The following CBFA2T2 variants were observed in gnomAD, a reference collection of about 807,000 sequenced individuals.
CBFA2T2 encodes protein CBFA2T2.
In CBFA2T2, 11 loss-of-function variants were observed where a neutral mutation model predicts 62.2. The ratio of observed to expected loss-of-function variants is 0.18; its 90% CI spans 0.11 to 0.29. The LOEUF is 0.29. Among genes scored for constraint, CBFA2T2 ranks in the 10% least tolerant of loss-of-function variants. The probability of loss-of-function intolerance (pLI) is 1.00; values close to 1 mark genes in which losing one functional copy is unlikely to be tolerated. For synonymous variants in CBFA2T2, 295 were observed against 287.5 expected (o/e 1.03, Z -0.27); for missense variants, 592 against 774.1 (o/e 0.76, Z 2.79).
At chr20:33,559,781 T>C (rs927840170) in intron 1 of CBFA2T2, among the ~76,000 whole-genome samples, 2 of 152,202 alleles carry the variant, frequency 1.3e-5, no homozygotes, top group Non-Finnish European at 2.9e-5. Flanking sequence ...CCATTGCGCC[T>C]GGCCAATTGT....
intron 1 of CBFA2T2, among the ~76,000 whole-genome samples, chr20:33,523,620 ATAAGC>A (rs1385662361): frequency 1.3e-5 from 2 of 152,210 alleles, no homozygotes; most frequent in African/African-American, 2.4e-5. Flanking sequence ...TTGAAGAAAA[ATAAGC>A]TAAGATTGGA....
At chr20:33,520,075 G>C (rs2011689507) in intron 1 of CBFA2T2, among the ~76,000 whole-genome samples, 1 of 152,108 alleles carries the variant, frequency 6.6e-6, no homozygotes, top group Non-Finnish European at 1.5e-5. Flanking sequence ...AACCTGGGAG[G>C]CAGAGGTTGT....
chr20:33,570,240 CA>C (rs2146901801), intron 1 of CBFA2T2, among the ~76,000 whole-genome samples: 1 of 152,318 alleles, frequency 6.6e-6, no homozygotes, highest in East Asian at 1.9e-4. Context: ...GAGATCATGC[CA>C]CTGCACTCCA....
chr20:33,594,628 T>C (rs1257265631), intron 1 of CBFA2T2, among the ~76,000 whole-genome samples: 1 of 152,154 alleles, frequency 6.6e-6, no homozygotes, highest in Admixed American at 6.5e-5. Flanking sequence ...GGAAAGCCAT[T>C]AACTAGCTGT....
In CBFA2T2 at chr20:33,515,278, G is replaced by T. The variant is rs137910714; in HGVS notation, c.34+24977G>T. On this transcript the variant is annotated intron_variant, in intron 1 of 10. Coordinates refer to ENST00000342704, the MANE Select transcript of CBFA2T2 (RefSeq NM_001032999.3). ...AGGCAGGAGAATTGCTTGAAACCTG[G>T]AGGTGGAGGTTGCAGTGAGCCAAGA... Among the ~76,000 whole-genome samples, 580 of 148,402 alleles carry T rather than the reference G, an allele frequency of 3.9e-3. 6 individuals carry two copies. Among genetic ancestry groups the T allele is most frequent in the Middle Eastern group, 0.018 (5 of 282 alleles).
At chr20:33,550,250 G>A (rs1207530437) in intron 1 of CBFA2T2, among the ~76,000 whole-genome samples, 4 of 152,094 alleles carry the variant, frequency 2.6e-5, no homozygotes, top group Non-Finnish European at 5.9e-5. Context: ...ATACTTATTA[G>A]CAAAGTAGTC....
At chr20:33,498,880 TAA>T (rs1786158654) in intron 1 of CBFA2T2, among the ~76,000 whole-genome samples, 1 of 152,050 alleles carries the variant, frequency 6.6e-6, no homozygotes, top group Middle Eastern at 3.4e-3. Flanking sequence ...CCGTCTCTTC[TAA>T]AAATACAAAA....
At chr20:33,502,745 C>G (rs1403281247) in intron 1 of CBFA2T2, among the ~76,000 whole-genome samples, 1 of 150,160 alleles carries the variant, frequency 6.7e-6, no homozygotes, top group African/African-American at 2.4e-5. Flanking sequence ...TCGGCCATTT[C>G]TCCAAACTGT....
intron 1 of CBFA2T2, among the ~76,000 whole-genome samples, chr20:33,508,347 G>T (rs781738716): frequency 1.3e-5 from 2 of 151,980 alleles, no homozygotes; most frequent in Non-Finnish European, 2.9e-5. Context: ...TGCCTACCCC[G>T]GCCTGCCAAA....
At chr20:33,615,157 C>A (rs1347437429) in intron 3 of CBFA2T2, among the ~76,000 whole-genome samples, 6 of 152,184 alleles carry the variant, frequency 3.9e-5, no homozygotes, top group Admixed American at 3.9e-4. Flanking sequence ...CATAGACAGA[C>A]CCCCATCTCT....
intron 1 of CBFA2T2, among the ~76,000 whole-genome samples, chr20:33,516,337 G>C (rs1319139847): frequency 6.6e-6 from 1 of 150,692 alleles, no homozygotes; most frequent in African/African-American, 2.4e-5. Context: ...GGGTGTGGTG[G>C]TGCATGCCTG....
At chr20:33,497,128 C>A (rs890866740) in intron 1 of CBFA2T2, among the ~76,000 whole-genome samples, 39 of 152,090 alleles carry the variant, frequency 2.6e-4, no homozygotes, top group Middle Eastern at 6.8e-3. Flanking sequence ...ACAAAATTAG[C>A]TGGGCATGGT....
chr20:33,514,209 T>TTTG (rs2011559774), intron 1 of CBFA2T2, among the ~76,000 whole-genome samples: 1 of 120,624 alleles, frequency 8.3e-6, no homozygotes, highest in East Asian at 2.5e-4. Context: ...TGCCTTTGTT[T>TTTG]TTTTTTTTTT....
chr20:33,514,514 C>T (rs1300245289), intron 1 of CBFA2T2, among the ~76,000 whole-genome samples: 4 of 151,852 alleles, frequency 2.6e-5, no homozygotes, highest in Non-Finnish European at 5.9e-5. Context: ...AGGAGGCTAG[C>T]ATGGCTGGAG....
chr20:33,592,226 C>G (rs999139046), intron 1 of CBFA2T2, among the ~76,000 whole-genome samples: 2 of 151,646 alleles, frequency 1.3e-5, no homozygotes, highest in Non-Finnish European at 2.9e-5. Flanking sequence ...AGCCAGGCAT[C>G]GTGGCACGCG....
rs778133366 is a variant in CBFA2T2, at chr20:33,494,241, G to GTATA, written c.34+3941_34+3942insATAT. The stretch of plus-strand genomic sequence containing the variant: ...TGTACTATGTATTAGGCATATATAT[G>GTATA]TGTATATATATATATATATATATAT... On this transcript the variant is annotated intron_variant, in intron 1 of 10. Coordinates refer to ENST00000342704, the MANE Select transcript of CBFA2T2 (RefSeq NM_001032999.3). 1.1e-3 allele frequency among the ~76,000 whole-genome samples: 44 copies of GTATA among 41,898 alleles called. 1 individual carries two copies. The highest frequency in any genetic ancestry group is 2.7e-3 in the African/African-American group (31 of 11,274). 27.5% of individuals were successfully genotyped at this position (41,898 alleles called of 152,430 possible). A position where few individuals can be genotyped will look rare whatever the true frequency, so the allele number is the denominator to read the frequency against.
At chr20:33,621,918 G>T (rs992173845) in intron 4 of CBFA2T2, among the ~76,000 whole-genome samples, 1 of 152,140 alleles carries the variant, frequency 6.6e-6, no homozygotes, top group Non-Finnish European at 1.5e-5. Flanking sequence ...TTCTATCTTG[G>T]TCTCCTTTAT....
chr20:33,639,714 ACAT>A (rs1741952459), intron 9 of CBFA2T2: 1 of 152,656 alleles, frequency 6.6e-6, no homozygotes, highest in Non-Finnish European at 1.5e-5. Flanking sequence ...ACATAGTGAG[ACAT>A]CGTCTCTACA....
chr20:33,502,029 A>T lies in CBFA2T2; in HGVS notation c.34+11728A>T, dbSNP rs547376023. On this transcript the variant is annotated intron_variant, in intron 1 of 10. Coordinates refer to ENST00000342704, the MANE Select transcript of CBFA2T2 (RefSeq NM_001032999.3). ...GATCTCAAACTCCTGGGCTCAAGTT[A>T]TTCTCCCACCTCAAGCTCCGAAAGT... Among the ~76,000 whole-genome samples, 4 of 152,234 alleles carry T rather than the reference A, an allele frequency of 2.6e-5. No individual in the cohort carries two copies. The South Asian group carries it at 6.2e-4, about 24-fold the overall frequency.
Sources: allele counts gnomAD v4.1 joint callset (sites outside exome capture counted in the v4.1 genomes callset), GRCh38; gene constraint gnomAD v4.1.1; transcripts MANE v1.5; gene names NCBI Gene and HGNC (gene_info 2026-07-23, HGNC 2026-07-21).